SLC2A14: variants seen among roughly 807,000 people sequenced by gnomAD.
SLC2A14 encodes solute carrier family 2, facilitated glucose transporter member 14.
Under a neutral mutation model 43.0 loss-of-function variants are expected in SLC2A14, and 13 were observed. The ratio of observed to expected loss-of-function variants is 0.30; its 90% CI spans 0.20 to 0.48. The LOEUF (loss-of-function observed/expected upper bound fraction) is 0.48. SLC2A14 is among the 20% of genes least tolerant of loss of function. SLC2A14 has a pLI of 0.99. For missense variants in SLC2A14, 428 were observed against 620.4 expected (o/e 0.69, Z 3.29); for synonymous variants, 190 against 233.8 (o/e 0.81, Z 1.71).
intron 4 of SLC2A14, among the ~76,000 whole-genome samples, chr12:7,830,229 T>C (rs1864903239): frequency 6.6e-6 from 1 of 151,424 alleles, no homozygotes; most frequent in Admixed American, 6.6e-5. Flanking sequence ...CTCCGCTCAC[T>C]GCAACCTCTG....
intron 7 of SLC2A14, among the ~76,000 whole-genome samples, chr12:7,825,364 G>A (rs139659466): frequency 0.019 from 2,930 of 150,478 alleles, 111 homozygotes; most frequent in African/African-American, 0.067. Flanking sequence ...GGAGGCTGAG[G>A]CAGGAGAATC....
chr12:7,886,651 A>G (rs903570024), intron 1 of SLC2A14, among the ~76,000 whole-genome samples: 2 of 152,064 alleles, frequency 1.3e-5, no homozygotes, highest in African/African-American at 4.8e-5. Context: ...CATCATTGGT[A>G]ATTGGAGAGT....
upstream of SLC2A14, among the ~76,000 whole-genome samples, chr12:7,874,755 T>TATAAA (rs1293295707): frequency 4.0e-4 from 36 of 89,120 alleles, no homozygotes; most frequent in South Asian, 2.5e-3. Flanking sequence ...ATATAAATAT[T>TATAAA]TATATAACTA....
intron 9 of SLC2A14, 66 bp downstream of exon 9, chr12:7,819,416 T>C (rs1863746530): frequency 6.3e-7 from 1 of 1,576,322 alleles, no homozygotes; most frequent in Admixed American, 2.0e-5. Flanking sequence ...ACCCCTTGTG[T>C]CACAGAAGTC....
At position 7,827,639 on chromosome 12, in the gene SLC2A14, G is replaced by A; in HGVS notation, c.720C>T (p.Ile240=). Residue 240 remains isoleucine, a synonymous_variant, in exon 7 of 11, where the codon ATC becomes ATT. Coordinates refer to ENST00000431042, the MANE Select transcript of SLC2A14 (RefSeq NM_001286234.2). ...TTGCACTCTCATCTTTCATCTCCTG[G>A]ATGTCTTGGGATACATCCTGGGTGC... ...LWGTQDVSQD[I]QEMKDESARM... 6.2e-7 allele frequency: 1 copy of A among 1,612,870 alleles called. No individual in the cohort carries two copies. Among genetic ancestry groups the A allele is most frequent in the East Asian group, 2.2e-5 (1 of 44,852 alleles).
chr12:7,819,443 C>G, intron 9 of SLC2A14, 39 bp downstream of exon 9: 1 of 1,609,448 alleles, frequency 6.2e-7, no homozygotes, highest in Non-Finnish European at 8.5e-7. Flanking sequence ...AACCTCTCTT[C>G]TTTCCCCCTC....
chr12:7,864,584 G>A (rs1334080378), intron 2 of SLC2A14, among the ~76,000 whole-genome samples: 1 of 151,716 alleles, frequency 6.6e-6, no homozygotes, highest in Non-Finnish European at 1.5e-5. Flanking sequence ...ATCATCCGCC[G>A]GCCTCGGCCT....
chr12:7,881,431 C>T (rs191313664), intron 1 of SLC2A14, among the ~76,000 whole-genome samples: 2,949 of 152,114 alleles, frequency 0.019, 90 homozygotes, highest in African/African-American at 0.068. Flanking sequence ...CCTGGGCCAG[C>T]GGCTGCGGAG....
chr12:7,848,033 C>T (rs1462299513), intron 2 of SLC2A14, among the ~76,000 whole-genome samples: 2 of 152,144 alleles, frequency 1.3e-5, no homozygotes, highest in African/African-American at 2.4e-5. Context: ...AGGAGAGAGA[C>T]ACGGTCAGAT....
chr12:7,858,686 A>C (rs1944385551), intron 2 of SLC2A14, among the ~76,000 whole-genome samples: 1 of 151,842 alleles, frequency 6.6e-6, no homozygotes, highest in Non-Finnish European at 1.5e-5. Flanking sequence ...TTTAGTAGAG[A>C]TGGAGTTTCT....
At chr12:7,880,733 G>T (rs978869928) in intron 1 of SLC2A14, among the ~76,000 whole-genome samples, 1 of 150,958 alleles carries the variant, frequency 6.6e-6, no homozygotes, top group Non-Finnish European at 1.5e-5. Flanking sequence ...TTGGCCGGGC[G>T]CAGTGGCTCA....
chr12:7,868,965 A>G (rs1398189260), intron 2 of SLC2A14, among the ~76,000 whole-genome samples: 1 of 152,044 alleles, frequency 6.6e-6, no homozygotes, highest in Non-Finnish European at 1.5e-5. Flanking sequence ...ACCAACATGG[A>G]GAAACCCCAT....
chr12:7,863,851 T>G (rs1343426509), intron 2 of SLC2A14, among the ~76,000 whole-genome samples: 1 of 151,442 alleles, frequency 6.6e-6, no homozygotes, highest in Admixed American at 6.6e-5. Context: ...GGAGTCTCAC[T>G]GTTGCCCAGG....
chr12:7,824,239 G>A lies in SLC2A14; in HGVS notation c.865-2914C>T, dbSNP rs138406424. On this transcript the variant is annotated intron_variant, in intron 7 of 10. Transcript: ENST00000431042. Reference sequence around the variant, plus strand: ...CCACTGCACTCCAGCCTGGGCAACGGAGTAAGACTCTGTCTCAAAACAAAA... The same window carrying A: ...CCACTGCACTCCAGCCTGGGCAACGAAGTAAGACTCTGTCTCAAAACAAAA... Among the ~76,000 whole-genome samples the A allele has an allele frequency of 4.3e-3, 661 of 152,162 alleles. 22 individuals are homozygous for A. The East Asian group carries it at 0.061, about 14-fold the overall frequency.
At chr12:7,825,852 A>G (rs1170110282) in intron 7 of SLC2A14, among the ~76,000 whole-genome samples, 1 of 151,770 alleles carries the variant, frequency 6.6e-6, no homozygotes, top group East Asian at 1.9e-4. Flanking sequence ...GTTCCTCAGA[A>G]TGCTCATGGA....
At chr12:7,837,638 C>CAAAAAAAA (rs557069415) in intron 2 of SLC2A14, among the ~76,000 whole-genome samples, 16,301 of 52,648 alleles carry the variant, frequency 0.31, 5,035 homozygotes, top group East Asian at 0.63. Context: ...AACTTCGTCT[C>CAAAAAAAA]AAAAAAAAAA....
chr12:7,857,180 G>T (rs758735126), intron 2 of SLC2A14, among the ~76,000 whole-genome samples: 17 of 152,128 alleles, frequency 1.1e-4, no homozygotes, highest in Non-Finnish European at 2.2e-4. Flanking sequence ...AACCCAGGAG[G>T]TGGAGGTTGC....
At chr12:7,875,042 T>C (rs1468642581), upstream of SLC2A14, among the ~76,000 whole-genome samples, 2 of 116,912 alleles carry the variant, frequency 1.7e-5, no homozygotes, top group Non-Finnish European at 3.2e-5. Context: ...TATATAAATA[T>C]ATATTTATAT....
intron 7 of SLC2A14, among the ~76,000 whole-genome samples, chr12:7,824,458 G>C (rs866022476): frequency 6.6e-6 from 1 of 151,990 alleles, no homozygotes; most frequent in Non-Finnish European, 1.5e-5. Flanking sequence ...CTTGGGCCAG[G>C]TGAGGTGGCT....
Sources: gnomAD v4.1 joint callset for allele counts (sites outside exome capture counted in the v4.1 genomes callset) on GRCh38, gnomAD v4.1.1 for gene constraint, MANE v1.5 for transcripts, NCBI Gene and HGNC (gene_info 2026-07-23, HGNC 2026-07-21) for gene names.